GRM7: variants seen among roughly 807,000 people sequenced by gnomAD.
GRM7 encodes the protein metabotropic glutamate receptor 7.
A neutral mutation model predicts 84.5 loss-of-function variants in GRM7; 35 were observed. That is an observed-to-expected ratio of 0.41 (90% CI 0.32 to 0.55). GRM7 has a LOEUF of 0.55. Among genes scored for constraint, GRM7 ranks in the 20% least tolerant of loss-of-function variants. The pLI is 0.19. For synonymous variants in GRM7, 487 were observed against 455.1 expected, an observed-to-expected ratio of 1.07 and a Z score of -0.89; for missense variants, 1,003 against 1,194.6, an observed-to-expected ratio of 0.84 and a Z score of 2.36.
At chr3:7,220,903 A>G (rs60941637) in intron 2 of GRM7, among the ~76,000 whole-genome samples, 25,631 of 151,988 alleles carry the variant, frequency 0.17, 2,356 homozygotes, top group African/African-American at 0.23. Flanking sequence ...CACCAGCCTG[A>G]GCAACATGGT....
intron 1 of GRM7, among the ~76,000 whole-genome samples, chr3:7,065,072 G>T (rs1697605005): frequency 6.6e-6 from 1 of 151,846 alleles, no homozygotes; most frequent in African/African-American, 2.4e-5. Context: ...TGAGTTGGTT[G>T]TAGATTCTGG....
chr3:7,189,822 A>G (rs762694534), intron 2 of GRM7, among the ~76,000 whole-genome samples: 5 of 152,182 alleles, frequency 3.3e-5, no homozygotes, highest in Non-Finnish European at 7.4e-5. Flanking sequence ...AAAGCATCAT[A>G]GAGATGTCAC....
chr3:7,293,559 G>T (rs1016601438), intron 2 of GRM7, among the ~76,000 whole-genome samples: 3 of 152,084 alleles, frequency 2.0e-5, no homozygotes, highest in Admixed American at 6.5e-5. Context: ...CTACTTGTTC[G>T]CTCCCCACAG....
intron 7 of GRM7, among the ~76,000 whole-genome samples, chr3:7,537,694 A>G (rs535205376): frequency 7.7e-4 from 117 of 152,356 alleles, no homozygotes; most frequent in African/African-American, 2.7e-3. Flanking sequence ...TATTCTACAA[A>G]GATGGAATGC....
chr3:7,269,157 G>T (rs1054394486), intron 2 of GRM7, among the ~76,000 whole-genome samples: 2 of 152,182 alleles, frequency 1.3e-5, no homozygotes, highest in East Asian at 3.8e-4. Flanking sequence ...CTTTTCCATC[G>T]AAGCACTGTT....
At chr3:7,723,133 C>T (rs1027473180) in intron 9 of GRM7, among the ~76,000 whole-genome samples, 3 of 152,192 alleles carry the variant, frequency 2.0e-5, no homozygotes, top group Admixed American at 6.5e-5. Flanking sequence ...TACCTACAGA[C>T]ACCAGTACTC....
At chr3:7,694,428 G>A (rs1405473740) in intron 9 of GRM7, 6 of 949,208 alleles carry the variant, frequency 6.3e-6, no homozygotes, top group Admixed American at 1.2e-4. Flanking sequence ...TTGTCATCCT[G>A]TACCACACAT....
intron 1 of GRM7, among the ~76,000 whole-genome samples, chr3:7,029,271 T>C (rs950699062): frequency 9.0e-5 from 13 of 144,284 alleles, no homozygotes; most frequent in East Asian, 4.0e-4. Flanking sequence ...GCCATTGCAC[T>C]CTAGCCTGAG....
intron 9 of GRM7, among the ~76,000 whole-genome samples, chr3:7,732,395 G>C (rs1702362847): frequency 6.6e-6 from 1 of 152,194 alleles, no homozygotes; most frequent in Non-Finnish European, 1.5e-5. Context: ...CACCCTGGTT[G>C]TGTATGAGGA....
intron 1 of GRM7, among the ~76,000 whole-genome samples, chr3:7,006,463 T>C (rs1026914031): frequency 1.3e-5 from 2 of 152,210 alleles, no homozygotes; most frequent in Non-Finnish European, 2.9e-5. Context: ...CTTCCTTCCA[T>C]CAGATTGTAA....
In GRM7 at chr3:7,146,517, C is replaced by T; in HGVS notation, c.585C>T (p.Phe195=). Residue 195 remains phenylalanine (F), a synonymous_variant, in exon 2 of 10, where the codon TTC becomes TTT. Coordinates refer to ENST00000357716, the MANE Select transcript of GRM7 (RefSeq NM_000844.4). ...GTGATGACCGGCGCTATGACTTCTT[C>T]TCTCGCGTGGTGCCACCCGATTCCT... is the stretch of plus-strand genomic sequence containing the variant. ...ELSDDRRYDF[F]SRVVPPDSFQ... is the part of the protein sequence containing the mutation. 1.2e-6 allele frequency: 2 copies of T among 1,614,028 alleles called. No homozygotes were observed. Among genetic ancestry groups the T allele is most frequent in the Non-Finnish European group, 1.7e-6 (2 of 1,179,952 alleles).
intron 9 of GRM7, among the ~76,000 whole-genome samples, chr3:7,723,387 G>C (rs762405253): frequency 6.6e-6 from 1 of 152,108 alleles, no homozygotes; most frequent in Non-Finnish European, 1.5e-5. Flanking sequence ...CTAAATTCTA[G>C]TGATGGGAAT....
chr3:7,505,420 C>T (rs1407626492), intron 7 of GRM7, among the ~76,000 whole-genome samples: 2 of 152,346 alleles, frequency 1.3e-5, no homozygotes, highest in East Asian at 3.9e-4. Context: ...TTAGCAGCAG[C>T]TTTGACTTCA....
chr3:7,470,785 T>C lies in GRM7; in HGVS notation c.1515+9063T>C, dbSNP rs758220277. Among the ~76,000 whole-genome samples, 5 of 152,206 alleles carry C rather than the reference T, an allele frequency of 3.3e-5. No individual in the cohort carries two copies. The East Asian group carries it at 9.7e-4, about 29-fold the overall frequency. On this transcript the variant is annotated intron_variant, in intron 7 of 9. Coordinates refer to ENST00000357716, the MANE Select transcript of GRM7 (RefSeq NM_000844.4). ...TGGACTCTTGTAAGAGGGACTCAAC[T>C]CATTATCATCAAACCAAAATTATGA...
rs1189712318 is a variant in GRM7, at chr3:7,582,603, T to G, written c.2451+3246T>G. Among the ~76,000 whole-genome samples the G allele has an allele frequency of 3.9e-5, 6 of 152,074 alleles. No individual in the cohort carries two copies. The East Asian group carries it at 1.2e-3, about 29-fold the overall frequency. ...AAAGGAAAGTGGCTTGAAGAAAGAATTGTGTCCTCTAAAATGGCACCCACA... is the reference window on the plus strand; with the variant it reads ...AAAGGAAAGTGGCTTGAAGAAAGAAGTGTGTCCTCTAAAATGGCACCCACA... On this transcript the variant is annotated intron_variant, in intron 8 of 9. Coordinates refer to ENST00000357716, the MANE Select transcript of GRM7 (RefSeq NM_000844.4).
At chr3:7,396,019 G>T (rs1028834827) in intron 4 of GRM7, among the ~76,000 whole-genome samples, 3 of 152,008 alleles carry the variant, frequency 2.0e-5, no homozygotes, top group Non-Finnish European at 2.9e-5. Context: ...TGGACCCCAT[G>T]AATCTGTATA....
In GRM7 at chr3:7,173,822, T is replaced by C. The variant is rs987614016; in HGVS notation, c.736+27154T>C. Among the ~76,000 whole-genome samples, 9 of 152,340 alleles carry C rather than the reference T, an allele frequency of 5.9e-5. 1 individual carries two copies. The South Asian group carries it at 1.2e-3, about 21-fold the overall frequency. On this transcript the variant is annotated intron_variant, in intron 2 of 9. Transcript: ENST00000357716. Reference sequence around the variant, plus strand: ...CCCCCAGAATGAGATAGTTTCCTCTTTAATAGCTTATTTTAACAGCTTATA... The same window carrying C: ...CCCCCAGAATGAGATAGTTTCCTCTCTAATAGCTTATTTTAACAGCTTATA...
At chr3:7,577,547 A>T (rs1337644858) in intron 7 of GRM7, among the ~76,000 whole-genome samples, 33 of 152,140 alleles carry the variant, frequency 2.2e-4, no homozygotes, top group Admixed American at 2.2e-3. Flanking sequence ...CTCTAAGGAG[A>T]TTTCCACCCA....
At chr3:7,136,592 A>T (rs1382021167) in intron 1 of GRM7, among the ~76,000 whole-genome samples, 1 of 152,118 alleles carries the variant, frequency 6.6e-6, no homozygotes, top group Non-Finnish European at 1.5e-5. Context: ...TGGAGCCTAA[A>T]GCAGCCCATC....
Sources: gnomAD v4.1 joint callset for allele counts (sites outside exome capture counted in the v4.1 genomes callset) on GRCh38, gnomAD v4.1.1 for gene constraint, MANE v1.5 for transcripts, NCBI Gene and HGNC (gene_info 2026-07-23, HGNC 2026-07-21) for gene names.